ADGRL3: variants seen among roughly 807,000 people sequenced by gnomAD.
ADGRL3 encodes the protein calcium-independent alpha-latrotoxin receptor 3.
ADGRL3 carries 62 observed loss-of-function variants against 153.5 expected under a neutral mutation model. The observed-to-expected ratio is 0.40, with a 90% confidence interval of 0.33 to 0.50. The LOEUF is 0.50. ADGRL3 is among the 20% of genes least tolerant of loss of function. The pLI, the probability that ADGRL3 is intolerant of heterozygous loss-of-function variation, is 0.47. For missense variants in ADGRL3, 1,641 were observed against 1,859.4 expected, an observed-to-expected ratio of 0.88 and a Z score of 2.16; for synonymous variants, 710 against 672.5, an observed-to-expected ratio of 1.06 and a Z score of -0.86.
At chr4:61,819,941 C>G (rs1156832166) in intron 9 of ADGRL3, among the ~76,000 whole-genome samples, 2 of 152,040 alleles carry the variant, frequency 1.3e-5, no homozygotes, top group Admixed American at 1.3e-4. Flanking sequence ...CCTTCTTCCC[C>G]CTCACCTGTG....
intron 9 of ADGRL3, among the ~76,000 whole-genome samples, chr4:61,872,756 A>T (rs1194667695): frequency 6.6e-6 from 1 of 152,150 alleles, no homozygotes; most frequent in Admixed American, 6.5e-5. Flanking sequence ...AATTAGCAGC[A>T]TTTAGATTTT....
intron 1 of ADGRL3, among the ~76,000 whole-genome samples, chr4:61,250,132 G>T (rs1483886121): frequency 6.6e-6 from 1 of 152,128 alleles, no homozygotes; most frequent in Admixed American, 6.6e-5. Flanking sequence ...ATATAACTAA[G>T]AATTGAGGAT....
At chr4:61,648,495 A>G (rs2094127384) in intron 5 of ADGRL3, among the ~76,000 whole-genome samples, 1 of 151,102 alleles carries the variant, frequency 6.6e-6, no homozygotes, top group African/African-American at 2.4e-5. Flanking sequence ...CATATCAGTC[A>G]CAGATTAATT....
chr4:61,224,574 G>A (rs1306200393), intron 1 of ADGRL3, among the ~76,000 whole-genome samples: 1 of 152,178 alleles, frequency 6.6e-6, no homozygotes, highest in Non-Finnish European at 1.5e-5. Context: ...GTGTGTAGGG[G>A]ATGGTGTTGT....
Position 61,733,407 on chromosome 4 carries a change from G to A in ADGRL3, c.1252G>A (p.Asp418Asn). 6.2e-7 allele frequency: 1 copy of A among 1,613,734 alleles called. No individual in the cohort carries two copies. Among genetic ancestry groups the A allele is most frequent in the Non-Finnish European group, 8.5e-7 (1 of 1,179,808 alleles). The change falls in exon 8 of 27, where the codon GAT (aspartate) becomes AAT (asparagine). Residue 418 changes from aspartate to asparagine, a missense_variant. Around this residue, in one of 5 missense-constraint regions of ADGRL3, gnomAD observed 734 missense variants for 797.0 expected, o/e 0.92. Coordinates refer to ENST00000683033, the MANE Select transcript of ADGRL3 (RefSeq NM_001387552.1). ...CATTTACAACACTGACCAAAGCAAG[G>A]ATAGTTTGGTGGATGTACCCTTTCC... Reference protein sequence around the residue: ...DYIYNTDQSKDSLVDVPFPNS... With the variant: ...DYIYNTDQSKNSLVDVPFPNS...
chr4:61,364,537 T>A (rs1410774452), intron 1 of ADGRL3, among the ~76,000 whole-genome samples: 1 of 152,132 alleles, frequency 6.6e-6, no homozygotes, highest in African/African-American at 2.4e-5. Context: ...AAATATTTAT[T>A]TATACAACTT....
intron 4 of ADGRL3, among the ~76,000 whole-genome samples, chr4:61,560,335 A>G (rs1433700209): frequency 6.6e-6 from 1 of 152,168 alleles, no homozygotes; most frequent in Non-Finnish European, 1.5e-5. Context: ...TTATGCACCT[A>G]GAAGTCACCT....
At chr4:61,505,360 T>C (rs992914198) in intron 3 of ADGRL3, among the ~76,000 whole-genome samples, 8 of 152,156 alleles carry the variant, frequency 5.3e-5, no homozygotes, top group African/African-American at 1.9e-4. Flanking sequence ...TTTCTCCCAT[T>C]CTTGTGGGTT....
At chr4:61,469,711 A>C (rs1238896665) in intron 2 of ADGRL3, among the ~76,000 whole-genome samples, 2 of 152,012 alleles carry the variant, frequency 1.3e-5, no homozygotes, top group African/African-American at 4.8e-5. Context: ...CCCTATTTTC[A>C]AGGTCATTTA....
intron 5 of ADGRL3, among the ~76,000 whole-genome samples, chr4:61,617,892 T>C (rs967895664): frequency 3.3e-5 from 5 of 152,206 alleles, no homozygotes; most frequent in Non-Finnish European, 7.3e-5. Flanking sequence ...GACTGCTCTG[T>C]AGCAAGGAAA....
intron 9 of ADGRL3, among the ~76,000 whole-genome samples, chr4:61,880,600 T>G (rs2098503198): frequency 6.6e-6 from 1 of 152,222 alleles, no homozygotes; most frequent in Non-Finnish European, 1.5e-5. Flanking sequence ...AGGCAGGTAG[T>G]ATAAGGAAAA....
At chr4:61,373,747 T>C (rs981963676) in intron 1 of ADGRL3, among the ~76,000 whole-genome samples, 2 of 152,194 alleles carry the variant, frequency 1.3e-5, no homozygotes, top group African/African-American at 2.4e-5. Context: ...GTATGCAACA[T>C]CCATTATTTT....
chr4:61,760,111 G>T (rs1038819395), intron 8 of ADGRL3, among the ~76,000 whole-genome samples: 3 of 152,194 alleles, frequency 2.0e-5, no homozygotes, highest in Non-Finnish European at 4.4e-5. Flanking sequence ...AGGGGTCAGG[G>T]ACCCACTTGA....
intron 6 of ADGRL3, among the ~76,000 whole-genome samples, chr4:61,677,986 A>G (rs1012906204): frequency 6.6e-6 from 1 of 152,042 alleles, no homozygotes; most frequent in Non-Finnish European, 1.5e-5. Flanking sequence ...AGAATGAATG[A>G]TTAGAGAAAG....
chr4:61,507,452 C>G (rs1046635289), intron 3 of ADGRL3, among the ~76,000 whole-genome samples: 1 of 152,172 alleles, frequency 6.6e-6, no homozygotes, highest in Non-Finnish European at 1.5e-5. Context: ...ATAATCACAT[C>G]CAACATAACA....
chr4:61,743,194 C>T (rs139385266), intron 8 of ADGRL3, among the ~76,000 whole-genome samples: 1 of 151,320 alleles, frequency 6.6e-6, no homozygotes, highest in East Asian at 1.9e-4. Context: ...GTGGTGGGTG[C>T]CTGTAGTCCT....
intron 1 of ADGRL3, among the ~76,000 whole-genome samples, chr4:61,326,627 G>GTT (rs1197327955): frequency 6.6e-6 from 1 of 151,430 alleles, no homozygotes; most frequent in Non-Finnish European, 1.5e-5. Flanking sequence ...GTGTGTGTGT[G>GTT]TGTGTGTAAT....
intron 6 of ADGRL3, among the ~76,000 whole-genome samples, chr4:61,727,031 C>T (rs1480471830): frequency 6.6e-6 from 1 of 152,118 alleles, no homozygotes; most frequent in East Asian, 1.9e-4. Flanking sequence ...AAAAACTTGG[C>T]AGTACATACC....
chr4:61,594,957 C>T (rs942143772), intron 5 of ADGRL3, among the ~76,000 whole-genome samples: 6 of 152,166 alleles, frequency 3.9e-5, no homozygotes, highest in Non-Finnish European at 7.4e-5. Context: ...CCCACCACTA[C>T]TAGTCCATGG....
Sources: allele counts gnomAD v4.1 joint callset (sites outside exome capture counted in the v4.1 genomes callset), GRCh38; gene constraint gnomAD v4.1.1; regional missense constraint gnomAD v4.1.1; transcripts MANE v1.5; gene names NCBI Gene and HGNC (gene_info 2026-07-23, HGNC 2026-07-21).